Variants in WWTR1 observed in about 807,000 individuals in gnomAD.
WWTR1 encodes WW domain-containing transcription regulator protein 1.
A neutral mutation model predicts 40.1 loss-of-function variants in WWTR1; 13 were observed. That is an observed-to-expected ratio of 0.32 (90% CI 0.21 to 0.52). The LOEUF (loss-of-function observed/expected upper bound fraction) is 0.52. Among genes scored for constraint, WWTR1 ranks in the 20% least tolerant of loss-of-function variants. WWTR1 has a pLI of 0.97. For missense variants in WWTR1, 436 were observed against 523.1 expected, an observed-to-expected ratio of 0.83 and a Z score of 1.63; for synonymous variants, 230 against 210.1, an observed-to-expected ratio of 1.09 and a Z score of -0.82.
At position 149,701,542 on chromosome 3, in the gene WWTR1, T is replaced by C. The variant is rs140726854; in HGVS notation, c.-108+1582A>G. On this transcript the variant is annotated intron_variant, in intron 1 of 7. Transcript: ENST00000465804. The stretch of plus-strand genomic sequence containing the variant: ...AAACTGGAGGGCAGTGTCTGGTCTG[T>C]TTTCTAAGAAACGTATGAATTCTAT... 3.9e-3 allele frequency: 714 copies of C among 181,430 alleles called. 4 individuals are homozygous for C. The highest frequency in any genetic ancestry group is 0.016 in the African/African-American group (661 of 42,516). The allele number at this position is 181,430 out of a possible 1,614,324, so 11.2% of individuals were successfully genotyped here.
intron 3 of WWTR1, among the ~76,000 whole-genome samples, 167 bp downstream of exon 3, chr3:149,572,697 C>T (rs914815299): frequency 2.6e-5 from 4 of 151,880 alleles, no homozygotes; most frequent in African/African-American, 9.7e-5. Flanking sequence ...AAGCTTGGGG[C>T]TCCACCAGGC....
At chr3:149,696,963 A>G (rs7649871) in intron 1 of WWTR1, among the ~76,000 whole-genome samples, 1 of 151,978 alleles carries the variant, frequency 6.6e-6, no homozygotes, top group Non-Finnish European at 1.5e-5. Flanking sequence ...TTTCCCCTTC[A>G]CCTGGCTAAC....
chr3:149,522,866 G>A (rs567946769), intron 6 of WWTR1, among the ~76,000 whole-genome samples: 3 of 151,800 alleles, frequency 2.0e-5, no homozygotes, highest in Non-Finnish European at 2.9e-5. Context: ...GTGAAACCCT[G>A]TCTCTACTAA....
intron 2 of WWTR1, chr3:149,649,824 G>A (rs1029962888): frequency 2.0e-5 from 3 of 150,940 alleles, no homozygotes; most frequent in African/African-American, 2.4e-5. Context: ...GGCTGAGGCA[G>A]GAGAATCAGC....
intron 4 of WWTR1, among the ~76,000 whole-genome samples, chr3:149,538,672 C>T (rs916798349): frequency 5.3e-5 from 8 of 152,126 alleles, no homozygotes; most frequent in Non-Finnish European, 1.2e-4. Flanking sequence ...TAGCCAGTAA[C>T]CTGAGGGGTC....
chr3:149,627,063 A>C (rs1740577882), intron 2 of WWTR1, among the ~76,000 whole-genome samples: 1 of 152,198 alleles, frequency 6.6e-6, no homozygotes, highest in African/African-American at 2.4e-5. Flanking sequence ...AGCAAATAAA[A>C]ATGCAAGATG....
At chr3:149,579,669 G>T (rs990700654) in intron 2 of WWTR1, among the ~76,000 whole-genome samples, 1 of 152,094 alleles carries the variant, frequency 6.6e-6, no homozygotes, top group South Asian at 2.1e-4. Flanking sequence ...AAGAAAAAAA[G>T]CTGCCAAGCC....
chr3:149,563,908 C>T (rs1262098648), intron 3 of WWTR1, among the ~76,000 whole-genome samples: 1 of 152,158 alleles, frequency 6.6e-6, no homozygotes, highest in Non-Finnish European at 1.5e-5. Flanking sequence ...TGTGCCACCA[C>T]ACCTGGCTAA....
At chr3:149,547,104 G>A (rs1736398019) in intron 3 of WWTR1, among the ~76,000 whole-genome samples, 2 of 150,862 alleles carry the variant, frequency 1.3e-5, no homozygotes, top group Admixed American at 6.6e-5. Flanking sequence ...CTAAGGCAGA[G>A]AAAAAGAGAA....
At chr3:149,633,247 G>A (rs1711632850) in intron 2 of WWTR1, among the ~76,000 whole-genome samples, 1 of 152,142 alleles carries the variant, frequency 6.6e-6, no homozygotes, top group South Asian at 2.1e-4. Flanking sequence ...AAGCCAGCCA[G>A]GCATGGTGAC....
chr3:149,717,888 T>A (rs1715649993), intron 4 of WWTR1, among the ~76,000 whole-genome samples: 1 of 152,098 alleles, frequency 6.6e-6, no homozygotes, highest in Non-Finnish European at 1.5e-5. Context: ...TACTTGTGAG[T>A]ATTCATTCAT....
At chr3:149,711,228 G>A (rs1054215331) in intron 5 of WWTR1, among the ~76,000 whole-genome samples, 2 of 151,184 alleles carry the variant, frequency 1.3e-5, no homozygotes, top group Non-Finnish European at 2.9e-5. Context: ...CAGGTTGGGA[G>A]GCCAAGGTGG....
chr3:149,567,480 C>T (rs1016613916), intron 3 of WWTR1, among the ~76,000 whole-genome samples: 1 of 152,164 alleles, frequency 6.6e-6, no homozygotes, highest in Admixed American at 6.5e-5. Flanking sequence ...TGGTACCACA[C>T]CAGCTAGTTT....
intron 1 of WWTR1, among the ~76,000 whole-genome samples, chr3:149,691,507 A>C (rs1264389341): frequency 6.6e-6 from 1 of 152,108 alleles, no homozygotes; most frequent in East Asian, 1.9e-4. Context: ...AGTTCAAAAG[A>C]TCATTAGAGA....
At chr3:149,686,736 A>C (rs1407731263) in intron 1 of WWTR1, among the ~76,000 whole-genome samples, 1 of 152,186 alleles carries the variant, frequency 6.6e-6, no homozygotes, top group Non-Finnish European at 1.5e-5. Context: ...CCTGAGGGAT[A>C]GATAAATACT....
chr3:149,637,497 C>T (rs1166873883), intron 2 of WWTR1, among the ~76,000 whole-genome samples: 2 of 152,060 alleles, frequency 1.3e-5, no homozygotes, highest in Non-Finnish European at 2.9e-5. Context: ...TCCCAAAGTG[C>T]TGGGATTATC....
At chr3:149,650,637 C>T (rs1288687692) in intron 2 of WWTR1, among the ~76,000 whole-genome samples, 2 of 141,360 alleles carry the variant, frequency 1.4e-5, no homozygotes, top group African/African-American at 5.1e-5. Context: ...CTCATCTCCC[C>T]CTTCTCCATT....
At chr3:149,528,515 G>A (rs1036745020) in intron 4 of WWTR1, among the ~76,000 whole-genome samples, 1 of 152,208 alleles carries the variant, frequency 6.6e-6, no homozygotes, top group Non-Finnish European at 1.5e-5. Context: ...TCAGTGGCCA[G>A]GGGTGGTGGC....
chr3:149,570,349 G>A (rs565527272), intron 3 of WWTR1, among the ~76,000 whole-genome samples: 18 of 152,034 alleles, frequency 1.2e-4, no homozygotes, highest in Admixed American at 5.2e-4. Flanking sequence ...CAAGCGGATC[G>A]CCAGGGGTCA....
Sources: gnomAD v4.1 joint callset for allele counts (sites outside exome capture counted in the v4.1 genomes callset) on GRCh38, gnomAD v4.1.1 for gene constraint, MANE v1.5 for transcripts, NCBI Gene and HGNC (gene_info 2026-07-23, HGNC 2026-07-21) for gene names.